Variants in TBCK observed in about 807,000 individuals in gnomAD.
The protein encoded by TBCK is TBC1 domain containing kinase.
TBCK carries 99 observed loss-of-function variants against 113.4 expected under a neutral mutation model. The observed-to-expected ratio is 0.87, with a 90% CI of 0.74 to 1.03. TBCK has a LOEUF of 1.03. Ranked by LOEUF, TBCK falls within the 50% of genes least tolerant of loss-of-function variation. The probability of loss-of-function intolerance (pLI) is 0.00; values close to 1 mark genes in which losing one functional copy is unlikely to be tolerated. For synonymous variants in TBCK, 369 were observed against 370.8 expected (o/e 1.00, Z 0.05); for missense variants, 1,045 against 1,061.3 (o/e 0.98, Z 0.21).
At chr4:106,249,420 C>A (rs1300893323) in intron 7 of TBCK, among the ~76,000 whole-genome samples, 1 of 152,084 alleles carries the variant, frequency 6.6e-6, no homozygotes, top group African/African-American at 2.4e-5. Flanking sequence ...GTATGTAGGA[C>A]CGACTTTTCA....
At chr4:106,246,009 T>C (rs6533243) in intron 10 of TBCK, among the ~76,000 whole-genome samples, 20,740 of 152,038 alleles carry the variant, frequency 0.14, 1,674 homozygotes, top group South Asian at 0.25. Flanking sequence ...ACACTCTATA[T>C]TGGAAAAGGA....
chr4:106,207,443 C>G (rs761144421), intron 20 of TBCK, among the ~76,000 whole-genome samples: 6 of 152,126 alleles, frequency 3.9e-5, no homozygotes. Context: ...ATGAATCTAG[C>G]TTGTATTGTT....
At chr4:106,169,236 A>T (rs904828753) in intron 23 of TBCK, among the ~76,000 whole-genome samples, 1 of 148,850 alleles carries the variant, frequency 6.7e-6, no homozygotes, top group Non-Finnish European at 1.5e-5. Flanking sequence ...TTGGAAACAA[A>T]GACTCAGAAT....
At chr4:106,167,717 A>G (rs2149726231) in intron 23 of TBCK, among the ~76,000 whole-genome samples, 1 of 151,856 alleles carries the variant, frequency 6.6e-6, no homozygotes, top group East Asian at 1.9e-4. Context: ...AATGATAACA[A>G]AGGAATACTA....
At chr4:106,256,862 T>C (rs546894046) in intron 5 of TBCK, among the ~76,000 whole-genome samples, 1 of 152,178 alleles carries the variant, frequency 6.6e-6, no homozygotes, top group Non-Finnish European at 1.5e-5. Context: ...AAGCTATACA[T>C]GGTATGATGC....
chr4:106,094,751 T>C (rs1413949194), intron 25 of TBCK, among the ~76,000 whole-genome samples: 1 of 152,200 alleles, frequency 6.6e-6, no homozygotes, highest in Non-Finnish European at 1.5e-5. Flanking sequence ...ATCTTCCTTT[T>C]AGAAAAAAGC....
rs760572323 is a variant in TBCK at position 106,196,331 on chromosome 4, C to G, written c.1861-1577G>C. On this transcript the variant is annotated intron_variant, in intron 20 of 25. Coordinates refer to ENST00000394708, the MANE Select transcript of TBCK (RefSeq NM_001163435.3). ...TTTGTCAATAGCAAGTATCAAAAAT[C>G]AACAATAATTTACTGAAAAAGCACT... 5.6e-4 allele frequency among the ~76,000 whole-genome samples: 85 copies of G among 151,804 alleles called. 1 individual carries two copies. The highest frequency in any genetic ancestry group is 1.3e-3 in the South Asian group (6 of 4,796).
chr4:106,160,908 T>C (rs1056115397), intron 23 of TBCK, among the ~76,000 whole-genome samples: 3 of 151,920 alleles, frequency 2.0e-5, no homozygotes, highest in African/African-American at 7.3e-5. Context: ...ATGTGGTATA[T>C]ATACAAAATA....
intron 23 of TBCK, among the ~76,000 whole-genome samples, chr4:106,122,980 T>A (rs1025817174): frequency 6.6e-6 from 1 of 152,162 alleles, no homozygotes; most frequent in Non-Finnish European, 1.5e-5. Flanking sequence ...CAGGGATGCC[T>A]TCTCTCACCA....
intron 6 of TBCK, among the ~76,000 whole-genome samples, chr4:106,250,791 G>A (rs1291256368): frequency 6.6e-6 from 1 of 151,776 alleles, no homozygotes; most frequent in Non-Finnish European, 1.5e-5. Context: ...CAGGCCATAT[G>A]GAGTCTTACT....
intron 20 of TBCK, among the ~76,000 whole-genome samples, chr4:106,199,123 C>T (rs1754590449): frequency 6.6e-6 from 1 of 152,158 alleles, no homozygotes; most frequent in Non-Finnish European, 1.5e-5. Flanking sequence ...TAAATAGTCT[C>T]TCAACCCACT....
rs761669262 is a variant in TBCK, at chr4:106,235,306, A to G, written c.1412T>C (p.Met471Thr). ...KEARVDIPPL[M>T]RGLTWAALLG... is the part of the protein sequence containing the mutation. ...AAGAGCAGCCCAGGTTAAACCTCTCATAAGAGGAGGAATGTCAACTCTTGC... is the reference window on the plus strand; with the variant it reads ...AAGAGCAGCCCAGGTTAAACCTCTCGTAAGAGGAGGAATGTCAACTCTTGC... Residue 471 changes from methionine to threonine, a missense_variant, in exon 15 of 26, where the codon ATG (methionine) becomes ACG (threonine). Coordinates refer to ENST00000394708, the MANE Select transcript of TBCK (RefSeq NM_001163435.3). The G allele has an allele frequency of 6.2e-6, 10 of 1,611,014 alleles. No homozygotes were observed. In the Admixed American group the frequency reaches 1.2e-4, roughly 19 times the overall value.
In TBCK at chr4:106,079,899, A is replaced by G. The variant is rs547110611; in HGVS notation, c.2571+15583T>C. Among the ~76,000 whole-genome samples, 6 of 152,306 alleles carry G rather than the reference A, an allele frequency of 3.9e-5. No individual in the cohort carries two copies. The South Asian group carries it at 1.2e-3, about 32-fold the overall frequency. On this transcript the variant is annotated intron_variant, in intron 25 of 25. Transcript: ENST00000394708. ...TACATGGCTGCAGCAGGAGGAAGACAACAAAGAGAGAGGTGCTACACACTT... is the reference window on the plus strand; with the variant it reads ...TACATGGCTGCAGCAGGAGGAAGACGACAAAGAGAGAGGTGCTACACACTT...
intron 20 of TBCK, among the ~76,000 whole-genome samples, chr4:106,197,411 G>GTATATA (rs1553957897): frequency 0.047 from 5,741 of 122,330 alleles, 204 homozygotes; most frequent in Non-Finnish European, 0.067. Context: ...GTGTGTGTGT[G>GTATATA]TATATATATA....
At chr4:106,093,813 C>T (rs1740599540) in intron 25 of TBCK, among the ~76,000 whole-genome samples, 1 of 139,108 alleles carries the variant, frequency 7.2e-6, no homozygotes, top group South Asian at 2.4e-4. Context: ...GCACATGTAT[C>T]CCTGAACCTA....
At chr4:106,182,383 T>A (rs1752496969) in intron 22 of TBCK, 2 of 152,194 alleles carry the variant, frequency 1.3e-5, no homozygotes, top group South Asian at 4.1e-4. Context: ...CTGACTGCCC[T>A]GGCCAGAAAG....
At chr4:106,311,987 G>A (rs1024771008) in intron 1 of TBCK, among the ~76,000 whole-genome samples, 2 of 152,126 alleles carry the variant, frequency 1.3e-5, no homozygotes, top group African/African-American at 2.4e-5. Context: ...AAACATAAGC[G>A]AATATCTTTA....
At chr4:106,238,588 G>C (rs1019189934) in intron 12 of TBCK, 1 of 152,064 alleles carries the variant, frequency 6.6e-6, no homozygotes, top group African/African-American at 2.4e-5. Flanking sequence ...AGAAAACAAG[G>C]ATAGGTACCT....
Position 106,112,228 on chromosome 4 carries a change from CA to C in TBCK, c.2411+3974del, listed in dbSNP as rs144990915. Among the ~76,000 whole-genome samples, 1,161 of 152,274 alleles carry C rather than the reference CA, an allele frequency of 7.6e-3. 8 individuals are homozygous for C. Among genetic ancestry groups the C allele is most frequent in the Non-Finnish European group, 0.011 (756 of 68,014 alleles). ...AGTTGCTAGGTTATGACCCTGATAT[CA>C]TCAGGATTCCTTTAAGTAAAAAGCA... On this transcript the variant is annotated intron_variant, in intron 24 of 25. Coordinates refer to ENST00000394708, the MANE Select transcript of TBCK (RefSeq NM_001163435.3).
Sources: gnomAD v4.1 joint callset for allele counts (sites outside exome capture counted in the v4.1 genomes callset) on GRCh38, gnomAD v4.1.1 for gene constraint, MANE v1.5 for transcripts, NCBI Gene and HGNC (gene_info 2026-07-23, HGNC 2026-07-21) for gene names.